Variants in CDH23 observed in about 807,000 individuals in gnomAD.
The protein encoded by CDH23 is cadherin-23.
Under a neutral mutation model 317.1 loss-of-function variants are expected in CDH23, and 189 were observed. That is an observed-to-expected ratio of 0.60 (90% CI 0.53 to 0.67). CDH23 has a LOEUF of 0.67. Among genes scored for constraint, CDH23 ranks in the 30% least tolerant of loss-of-function variants. The pLI, the probability that CDH23 is intolerant of heterozygous loss-of-function variation, is 0.00. For missense variants in CDH23, 4,401 were observed against 4,592.4 expected (o/e 0.96, Z 1.20); for synonymous variants, 1,839 against 1,876.8 (o/e 0.98, Z 0.52).
intron 6 of CDH23, among the ~76,000 whole-genome samples, chr10:71,525,321 G>A (rs1854974929): frequency 6.6e-6 from 1 of 152,234 alleles, no homozygotes. Context: ...TGTTACAGCA[G>A]CCATAGGAAA....
intron 3 of CDH23, among the ~76,000 whole-genome samples, chr10:71,497,967 T>C (rs1853068019): frequency 6.6e-6 from 1 of 152,208 alleles, no homozygotes; most frequent in African/African-American, 2.4e-5. Flanking sequence ...TGACCTCAGA[T>C]GCAACCTCAC....
intron 48 of CDH23, 192 bp from the exon 49 acceptor site, chr10:71,796,912 C>T: frequency 1.9e-6 from 1 of 534,002 alleles, no homozygotes; most frequent in Admixed American, 3.0e-5. Flanking sequence ...TAGTAAGCAT[C>T]ATGGGAGGGG....
chr10:71,471,027 A>G (rs1851480284), intron 3 of CDH23, among the ~76,000 whole-genome samples: 2 of 152,242 alleles, frequency 1.3e-5, no homozygotes, highest in Admixed American at 1.3e-4. Flanking sequence ...TAAAGGACTC[A>G]TATATCTGAG....
In CDH23 at chr10:71,791,235, C is replaced by T. The variant is rs763490116; in HGVS notation, c.6153C>T (p.Ser2051=). 43 of 1,613,710 alleles carry T rather than the reference C, an allele frequency of 2.7e-5. No individual in the cohort carries two copies. In the East Asian group the frequency reaches 8.0e-4, roughly 30 times the overall value. Residue 2051 remains serine, a synonymous_variant, in exon 47 of 70, where the codon AGC becomes AGT. Coordinates refer to ENST00000224721, the MANE Select transcript of CDH23 (RefSeq NM_022124.6). ...LLAEDIGLLN[S]TAHLLITILD... ...CTGAGGACATCGGGCTGCTCAACAG[C>T]ACGGCCCACCTGCTCATCACCATCC...
At chr10:71,620,662 A>G (rs1435095356) in intron 11 of CDH23, among the ~76,000 whole-genome samples, 1 of 152,118 alleles carries the variant, frequency 6.6e-6, no homozygotes, top group African/African-American at 2.4e-5. Flanking sequence ...TGTTTTCCCA[A>G]GGGAGCTGGT....
chr10:71,730,502 G>T lies in CDH23; in HGVS notation c.3613G>T (p.Ala1205Ser), dbSNP rs886047134. The change falls in exon 31 of 70, where the codon GCC becomes TCC. Residue 1205 changes from alanine (A) to serine (S), a missense_variant. Physicochemically the swap from Ala to Ser is moderately conservative, Grantham distance 99. Around this residue, in one of 3 missense-constraint regions of CDH23, gnomAD observed 3,068 missense variants for 3,203.3 expected, o/e 0.96. Coordinates refer to ENST00000224721, the MANE Select transcript of CDH23 (RefSeq NM_022124.6). Reference protein sequence around the residue: ...IVYVEDINDEAPVFTQQQYSR... With the variant: ...IVYVEDINDESPVFTQQQYSR... ...GTACGTGGAGGACATCAACGATGAG[G>T]CCCCCGTGTTCACACAGCAGCAGTA... 40 of 1,613,902 alleles carry T rather than the reference G, an allele frequency of 2.5e-5. No homozygotes were observed. Among genetic ancestry groups the T allele is most frequent in the Non-Finnish European group, 3.3e-5 (39 of 1,179,876 alleles).
intron 30 of CDH23, among the ~76,000 whole-genome samples, chr10:71,729,265 GGATGGGGGCCTCA>G (rs60986445): frequency 0.029 from 4,360 of 152,282 alleles, 224 homozygotes; most frequent in African/African-American, 0.1. Flanking sequence ...CCACTGCCTT[GGATGGGGGCCTCA>G]GAAGCAAACC....
intron 3 of CDH23, among the ~76,000 whole-genome samples, chr10:71,473,723 AT>A (rs1276256108): frequency 1.4e-4 from 21 of 152,350 alleles, no homozygotes; most frequent in African/African-American, 5.0e-4. Context: ...ACCCAACAAT[AT>A]TATGGATGAT....
intron 57 of CDH23, 110 bp from the exon 58 acceptor site, chr10:71,807,167 C>T (rs555630203): frequency 7.3e-7 from 1 of 1,369,162 alleles, no homozygotes. Flanking sequence ...AAGGCCTGGA[C>T]AGTAAACTCC....
intron 3 of CDH23, among the ~76,000 whole-genome samples, chr10:71,492,759 C>T (rs1202336117): frequency 2.6e-5 from 4 of 152,226 alleles, no homozygotes; most frequent in Non-Finnish European, 4.4e-5. Flanking sequence ...CTCACAGTCA[C>T]GTGAGAGATG....
intron 6 of CDH23, among the ~76,000 whole-genome samples, chr10:71,527,362 C>T (rs1332466335): frequency 1.3e-5 from 2 of 152,246 alleles, no homozygotes; most frequent in Non-Finnish European, 2.9e-5. Flanking sequence ...CAGCAGGACA[C>T]AGGGAGGGAA....
rs74147345 is a variant in CDH23, at chr10:71,577,716, C to T, written c.754-198C>T. On this transcript the variant is annotated intron_variant, in intron 8 of 69. Transcript: ENST00000224721. ...TAACATCGGTAAGGTTTGGCCTCCCCGTGGACCCTAGGGTGTTTGCCTGGG... is the reference window on the plus strand; with the variant it reads ...TAACATCGGTAAGGTTTGGCCTCCCTGTGGACCCTAGGGTGTTTGCCTGGG... Among the ~76,000 whole-genome samples, 7,645 of 152,190 alleles carry T rather than the reference C, an allele frequency of 0.05. 599 individuals are homozygous for T. The highest frequency in any genetic ancestry group is 0.17 in the African/African-American group (7,230 of 41,464).
At chr10:71,549,256 A>G (rs866200452) in intron 6 of CDH23, among the ~76,000 whole-genome samples, 2 of 152,366 alleles carry the variant, frequency 1.3e-5, no homozygotes, top group Admixed American at 6.5e-5. Context: ...TCAGGGCTGG[A>G]AAGAACTGGA....
intron 11 of CDH23, among the ~76,000 whole-genome samples, chr10:71,643,567 C>A (rs1868006): frequency 6.6e-6 from 1 of 151,270 alleles, no homozygotes; most frequent in African/African-American, 2.4e-5. Flanking sequence ...TTGCCCCCCC[C>A]TCACCTCCTC....
At chr10:71,439,327 T>C (rs1274589211) in intron 1 of CDH23, among the ~76,000 whole-genome samples, 1 of 152,182 alleles carries the variant, frequency 6.6e-6, no homozygotes, top group African/African-American at 2.4e-5. Context: ...ATATGCTCAT[T>C]GGGCACTGGT....
At chr10:71,763,756 G>C (rs191663449) in intron 38 of CDH23, among the ~76,000 whole-genome samples, 6 of 152,354 alleles carry the variant, frequency 3.9e-5, no homozygotes, top group African/African-American at 1.4e-4. Flanking sequence ...GTCGGCGCTT[G>C]GTACTTGGGA....
At chr10:71,710,577 G>T (rs911593184) in intron 27 of CDH23, among the ~76,000 whole-genome samples, 2 of 152,218 alleles carry the variant, frequency 1.3e-5, no homozygotes, top group African/African-American at 4.8e-5. Flanking sequence ...AGCATCCCAG[G>T]CCTCAAAGCC....
chr10:71,521,028 G>A (rs1354878126), intron 6 of CDH23, among the ~76,000 whole-genome samples: 5 of 152,072 alleles, frequency 3.3e-5, no homozygotes, highest in African/African-American at 1.2e-4. Flanking sequence ...GTGTTGGCTG[G>A]AAGCTGTGAG....
In CDH23 at chr10:71,807,772, A is replaced by C; in HGVS notation, c.8560+5A>C. 1 of 1,594,644 alleles carries C rather than the reference A, an allele frequency of 6.3e-7. No individual in the cohort carries two copies. The highest frequency in any genetic ancestry group is 8.5e-7 in the Non-Finnish European group (1 of 1,170,160). On this transcript the variant is annotated splice_donor_5th_base_variant and intron_variant, in intron 59 of 69. Coordinates refer to ENST00000224721, the MANE Select transcript of CDH23 (RefSeq NM_022124.6). ...CCAAGGCTGAGTACACTGCAGGTGCAGGGACTGGAGCCTGGGCACGAGGTG... is the reference window on the plus strand; with the variant it reads ...CCAAGGCTGAGTACACTGCAGGTGCCGGGACTGGAGCCTGGGCACGAGGTG...
Sources: gnomAD v4.1 joint callset for allele counts (sites outside exome capture counted in the v4.1 genomes callset) on GRCh38, gnomAD v4.1.1 for gene constraint, gnomAD v4.1.1 regional missense constraint, MANE v1.5 for transcripts, NCBI Gene and HGNC (gene_info 2026-07-23, HGNC 2026-07-21) for gene names.